Variants in RRAS2 observed in about 807,000 individuals in gnomAD.
The protein encoded by RRAS2 is RAS related 2, also known as ras-related protein R-Ras2.
RRAS2 carries 7 observed loss-of-function variants against 27.6 expected under a neutral mutation model. The observed-to-expected ratio is 0.25, with a 90% CI of 0.14 to 0.48. The LOEUF (loss-of-function observed/expected upper bound fraction) is 0.48, where lower values mean the gene tolerates loss of function less well. RRAS2 is among the 20% of genes least tolerant of loss of function. The probability of loss-of-function intolerance (pLI) is 0.99; values close to 1 mark genes in which losing one functional copy is unlikely to be tolerated. For synonymous variants in RRAS2, 86 were observed against 90.9 expected (o/e 0.95, Z 0.31); for missense variants, 178 against 256.2 (o/e 0.69, Z 2.08).
rs183286788 is a variant in RRAS2, at chr11:14,301,428, C to T, written c.109-5573G>A. On this transcript the variant is annotated intron_variant, in intron 1 of 5. Coordinates refer to ENST00000256196, the MANE Select transcript of RRAS2 (RefSeq NM_012250.6). ...CAGGTTTTTTTCTCTTTTCCCCCTCCCTCTTTTCTCCCTTCCTCCTTTTCT... is the reference window on the plus strand; with the variant it reads ...CAGGTTTTTTTCTCTTTTCCCCCTCTCTCTTTTCTCCCTTCCTCCTTTTCT... Among the ~76,000 whole-genome samples, 116 of 152,156 alleles carry T rather than the reference C, an allele frequency of 7.6e-4. 1 individual carries two copies. Among genetic ancestry groups the T allele is most frequent in the South Asian group, 1.9e-3 (9 of 4,824 alleles).
rs577258951 is a variant in RRAS2, at chr11:14,321,919, C to T, written c.109-26064G>A. On this transcript the variant is annotated intron_variant, in intron 1 of 5. Coordinates refer to ENST00000256196, the MANE Select transcript of RRAS2 (RefSeq NM_012250.6). ...TGTAATCATATGACAATGATTAGTT[C>T]ATTATAATTAACTACAATTGAACTT... Among the ~76,000 whole-genome samples, 18 of 152,148 alleles carry T rather than the reference C, an allele frequency of 1.2e-4. No individual in the cohort carries two copies. The South Asian group carries it at 3.7e-3, about 32-fold the overall frequency.
intron 4 of RRAS2, among the ~76,000 whole-genome samples, chr11:14,294,123 G>A (rs1847485353): frequency 6.6e-6 from 1 of 152,218 alleles, no homozygotes; most frequent in East Asian, 1.9e-4. Context: ...GGCCTTTAGT[G>A]GTAACTTTGA....
intron 1 of RRAS2, among the ~76,000 whole-genome samples, chr11:14,332,314 C>A (rs571062872): frequency 1.3e-5 from 2 of 152,256 alleles, no homozygotes; most frequent in South Asian, 2.1e-4. Context: ...GTATATCATA[C>A]AATGAAATAC....
At chr11:14,342,309 C>T (rs1440060061) in intron 1 of RRAS2, among the ~76,000 whole-genome samples, 1 of 152,216 alleles carries the variant, frequency 6.6e-6, no homozygotes, top group African/African-American at 2.4e-5. Flanking sequence ...CAACTTAAAT[C>T]CCAGCTTCGC....
At chr11:14,324,275 A>T (rs1848296588) in intron 1 of RRAS2, among the ~76,000 whole-genome samples, 1 of 152,074 alleles carries the variant, frequency 6.6e-6, no homozygotes, top group Non-Finnish European at 1.5e-5. Context: ...AAAAAAAAAT[A>T]CCACTTCTGT....
chr11:14,349,707 T>G (rs1398958354), intron 1 of RRAS2, among the ~76,000 whole-genome samples: 1 of 152,202 alleles, frequency 6.6e-6, no homozygotes, highest in African/African-American at 2.4e-5. Flanking sequence ...GTTAACTCTA[T>G]TAACTAGAGT....
intron 1 of RRAS2, 92 bp from the exon 2 acceptor site, chr11:14,295,947 A>C: frequency 1.7e-6 from 2 of 1,159,410 alleles, no homozygotes; most frequent in Non-Finnish European, 2.5e-6. Context: ...CCGAGGGAGA[A>C]GGATCACTTG....
chr11:14,295,909 C>T lies in RRAS2; in HGVS notation c.109-54G>A, dbSNP rs1257319482. On this transcript the variant is annotated intron_variant, in intron 1 of 5. Transcript: ENST00000256196. ...AAATTCATGGCCAGGCATGGTAGCT[C>T]ACACCTGTAATCCTATGCTCTGGGA... is the stretch of plus-strand genomic sequence containing the variant. 8.5e-6 allele frequency: 13 copies of T among 1,526,844 alleles called. No homozygotes were observed. In the African/African-American group the frequency reaches 1.5e-4, roughly 18 times the overall value. The allele number at this position is 1,526,844 out of a possible 1,614,324, so 94.6% of individuals were successfully genotyped here. A position where few individuals can be genotyped will look rare whatever the true frequency, so the allele number is the denominator to read the frequency against.
intron 1 of RRAS2, among the ~76,000 whole-genome samples, chr11:14,307,912 T>C (rs1564964096): frequency 6.6e-6 from 1 of 152,168 alleles, no homozygotes. Context: ...AAACTTATCC[T>C]GCCGATAGGT....
At chr11:14,348,196 T>C (rs1848877737) in intron 1 of RRAS2, among the ~76,000 whole-genome samples, 1 of 152,194 alleles carries the variant, frequency 6.6e-6, no homozygotes, top group Admixed American at 6.5e-5. Context: ...CATAACAAAG[T>C]AAAACAAACT....
Position 14,358,694 on chromosome 11 carries a change from C to A in RRAS2, c.108+69G>T, listed in dbSNP as rs566286071. 1.6e-3 allele frequency: 1,750 copies of A among 1,079,824 alleles called. 39 individuals are homozygous for A. The East Asian group carries it at 0.04, about 25-fold the overall frequency. The allele number at this position is 1,079,824 out of a possible 1,614,324, so 66.9% of individuals were successfully genotyped here. A position where few individuals can be genotyped will look rare whatever the true frequency, so the allele number is the denominator to read the frequency against. The stretch of plus-strand genomic sequence containing the variant: ...TCTGGGGCGAGGTCGCGGCGGCCGC[C>A]CCGCCACAGGTAGCGCCAGCCCCCG... On this transcript the variant is annotated intron_variant, in intron 1 of 5. Transcript: ENST00000256196. The surrounding 1 kb of genome is among the most constrained non-coding windows in gnomAD (Gnocchi z 5.1).
intron 1 of RRAS2, among the ~76,000 whole-genome samples, chr11:14,307,259 G>A (rs78645595): frequency 0.012 from 1,779 of 150,404 alleles, 31 homozygotes; most frequent in African/African-American, 0.042. Context: ...GAAAAAGGAA[G>A]AGGGAAAAAA....
chr11:14,340,629 G>T (rs1353007965), intron 1 of RRAS2, among the ~76,000 whole-genome samples: 3 of 152,082 alleles, frequency 2.0e-5, no homozygotes, highest in African/African-American at 7.2e-5. Flanking sequence ...GCTTTTTCAA[G>T]TTCTCAAAAA....
intron 1 of RRAS2, among the ~76,000 whole-genome samples, chr11:14,304,545 G>A (rs745544672): frequency 8.5e-5 from 13 of 152,202 alleles, no homozygotes; most frequent in Non-Finnish European, 1.5e-4. Context: ...TTAAAATTGT[G>A]TTATATGTAT....
At position 14,323,336 on chromosome 11, in the gene RRAS2, T is replaced by C. The variant is rs572384768; in HGVS notation, c.109-27481A>G. On this transcript the variant is annotated intron_variant, in intron 1 of 5. Transcript: ENST00000256196. ...GGCCAAGCATAGCGGCATGCGCCTA[T>C]AGTCCCAACAGCTTGGAAGGCTAAG... 2.5e-4 allele frequency among the ~76,000 whole-genome samples: 38 copies of C among 152,058 alleles called. 1 individual carries two copies. Among genetic ancestry groups the C allele is most frequent in the East Asian group, 7.8e-4 (4 of 5,150 alleles).
chr11:14,282,049 A>T (rs781884955), intron 4 of RRAS2, among the ~76,000 whole-genome samples: 1 of 152,234 alleles, frequency 6.6e-6, no homozygotes, highest in Non-Finnish European at 1.5e-5. Context: ...GAGATGAGCG[A>T]AAGCTTCCCT....
intron 1 of RRAS2, among the ~76,000 whole-genome samples, chr11:14,303,415 A>C (rs1170927699): frequency 6.6e-6 from 1 of 152,198 alleles, no homozygotes; most frequent in Non-Finnish European, 1.5e-5. Context: ...GGCAAGTCTC[A>C]TAATTTTTTA....
At chr11:14,340,651 A>G (rs1480074260) in intron 1 of RRAS2, among the ~76,000 whole-genome samples, 2 of 152,222 alleles carry the variant, frequency 1.3e-5, no homozygotes, top group Non-Finnish European at 2.9e-5. Context: ...CAATACCGTA[A>G]GAGTTAGACC....
intron 1 of RRAS2, among the ~76,000 whole-genome samples, chr11:14,301,997 AAAT>A (rs1554947471): frequency 6.6e-6 from 1 of 151,678 alleles, no homozygotes; most frequent in Non-Finnish European, 1.5e-5. Flanking sequence ...TAAAATAAAT[AAAT>A]AAAATTCATA....
Sources: allele counts gnomAD v4.1 joint callset (sites outside exome capture counted in the v4.1 genomes callset), GRCh38; gene constraint gnomAD v4.1.1; non-coding constraint Gnocchi (gnomAD v3.1); transcripts MANE v1.5; gene names NCBI Gene and HGNC (gene_info 2026-07-23, HGNC 2026-07-21).